Variants in THSD7B observed in about 807,000 individuals in gnomAD.
The protein encoded by THSD7B is thrombospondin type-1 domain-containing protein 7B.
Under a neutral mutation model 213.6 loss-of-function variants are expected in THSD7B, and 138 were observed. That is an observed-to-expected ratio of 0.65 (90% CI 0.56 to 0.74). The LOEUF is 0.74. Ranked by LOEUF, THSD7B falls within the 30% of genes least tolerant of loss-of-function variation. THSD7B has a pLI of 0.00. For missense variants in THSD7B, 1,931 were observed against 1,991.5 expected (o/e 0.97, Z 0.58); for synonymous variants, 742 against 687.0 (o/e 1.08, Z -1.25).
intron 2 of THSD7B, among the ~76,000 whole-genome samples, chr2:136,971,124 CAAAT>C (rs1248468335): frequency 1.3e-5 from 2 of 151,980 alleles, no homozygotes; most frequent in Non-Finnish European, 2.9e-5. Context: ...AGGAATAAGA[CAAAT>C]AAAGTTTCCA....
intron 6 of THSD7B, among the ~76,000 whole-genome samples, chr2:137,167,403 A>G (rs1212098862): frequency 5.9e-5 from 9 of 151,796 alleles, no homozygotes; most frequent in Admixed American, 3.9e-4. Flanking sequence ...GAGTTTTACC[A>G]TATTGGCCAG....
intron 1 of THSD7B, among the ~76,000 whole-genome samples, chr2:136,827,209 C>T (rs114196873): frequency 1.1e-3 from 171 of 152,268 alleles, no homozygotes; most frequent in African/African-American, 3.8e-3. Context: ...AATTTTTCTG[C>T]GGATCTTTCA....
intron 15 of THSD7B, among the ~76,000 whole-genome samples, chr2:137,550,756 G>T (rs2105205888): frequency 6.6e-6 from 1 of 152,160 alleles, no homozygotes; most frequent in East Asian, 1.9e-4. Context: ...GGATGGTTTA[G>T]CTTGGAGTAG....
chr2:137,547,191 T>C (rs932535000), intron 15 of THSD7B, among the ~76,000 whole-genome samples: 1 of 152,058 alleles, frequency 6.6e-6, no homozygotes, highest in African/African-American at 2.4e-5. Context: ...TCAATTTTGC[T>C]TCTCACTTTT....
intron 1 of THSD7B, among the ~76,000 whole-genome samples, chr2:136,808,669 C>A (rs533666342): frequency 5.3e-5 from 8 of 152,344 alleles, no homozygotes; most frequent in Admixed American, 2.6e-4. Flanking sequence ...TGTTACTCCA[C>A]ATCCTCATTA....
At chr2:136,931,538 G>A (rs11682284) in intron 2 of THSD7B, among the ~76,000 whole-genome samples, 1 of 152,146 alleles carries the variant, frequency 6.6e-6, no homozygotes, top group Non-Finnish European at 1.5e-5. Context: ...CATGCTGGGA[G>A]GGTGTATTCT....
chr2:137,024,011 T>G lies in THSD7B; in HGVS notation c.140-32409T>G, dbSNP rs898819447. On this transcript the variant is annotated intron_variant, in intron 2 of 27. Coordinates refer to ENST00000409968, the MANE Select transcript of THSD7B (RefSeq NM_001316349.2). Reference sequence around the variant, plus strand: ...CACTCCTGAGTTCCAAGAACTGGGTTGGAAGATGTTACGGAAAAGGCCATT... The same window carrying G: ...CACTCCTGAGTTCCAAGAACTGGGTGGGAAGATGTTACGGAAAAGGCCATT... Among the ~76,000 whole-genome samples the G allele has an allele frequency of 4.6e-5, 7 of 152,252 alleles. No individual in the cohort carries two copies. The South Asian group carries it at 6.2e-4, about 14-fold the overall frequency.
chr2:137,630,285 C>T (rs79412927), intron 20 of THSD7B, among the ~76,000 whole-genome samples: 3,251 of 152,282 alleles, frequency 0.021, 70 homozygotes, highest in South Asian at 0.067. Flanking sequence ...TAAGCCACCC[C>T]ACCCAGCCCC....
In THSD7B at chr2:137,479,967, A is replaced by T. The variant is rs1198150888; in HGVS notation, c.3138+28944A>T. 3.9e-5 allele frequency among the ~76,000 whole-genome samples: 6 copies of T among 152,232 alleles called. No individual in the cohort carries two copies. The East Asian group carries it at 9.7e-4, about 25-fold the overall frequency. ...GGTCAGGGGGTCTCCCATGGCTAGG[A>T]TTGCAGGAGTTCACAGTGGGAATGT... On this transcript the variant is annotated intron_variant, in intron 15 of 27. Transcript: ENST00000409968.
chr2:137,220,888 T>G (rs544345185), intron 7 of THSD7B, among the ~76,000 whole-genome samples: 1 of 152,296 alleles, frequency 6.6e-6, no homozygotes, highest in Non-Finnish European at 1.5e-5. Flanking sequence ...TGAATGAACC[T>G]AAATTGCACT....
At chr2:137,050,817 T>G (rs1359906106) in intron 2 of THSD7B, among the ~76,000 whole-genome samples, 1 of 152,206 alleles carries the variant, frequency 6.6e-6, no homozygotes, top group Non-Finnish European at 1.5e-5. Flanking sequence ...AATTTTTTAA[T>G]GAAATGCAAC....
intron 12 of THSD7B, among the ~76,000 whole-genome samples, chr2:137,388,030 C>T (rs1207945308): frequency 6.6e-6 from 1 of 152,180 alleles, no homozygotes. Context: ...CTGCTAACCT[C>T]AACATTATCA....
intron 14 of THSD7B, among the ~76,000 whole-genome samples, chr2:137,447,067 T>G (rs1458037478): frequency 6.6e-6 from 1 of 152,152 alleles, no homozygotes; most frequent in East Asian, 1.9e-4. Flanking sequence ...GGGTATACTC[T>G]GGCATGAAAA....
chr2:137,294,216 G>T (rs1297050092), intron 12 of THSD7B, among the ~76,000 whole-genome samples: 2 of 152,020 alleles, frequency 1.3e-5, no homozygotes, highest in Non-Finnish European at 2.9e-5. Flanking sequence ...CACTCTACAG[G>T]GTAGTCCTGC....
At chr2:137,331,124 A>G (rs544501070) in intron 12 of THSD7B, among the ~76,000 whole-genome samples, 4 of 138,620 alleles carry the variant, frequency 2.9e-5, no homozygotes, top group African/African-American at 6.6e-5. Context: ...CGACTGGTGT[A>G]TTTACAATCC....
chr2:137,266,498 G>A (rs767749814), intron 10 of THSD7B, among the ~76,000 whole-genome samples: 3 of 152,164 alleles, frequency 2.0e-5, no homozygotes, highest in Non-Finnish European at 4.4e-5. Flanking sequence ...AAGTGAAGAG[G>A]AGGAAAGAGA....
intron 12 of THSD7B, among the ~76,000 whole-genome samples, chr2:137,363,149 C>T (rs943845886): frequency 1.7e-4 from 26 of 151,964 alleles, no homozygotes; most frequent in African/African-American, 2.7e-4. Flanking sequence ...GGGTAAATAA[C>T]GAAATGAAGG....
chr2:137,197,646 G>A (rs1376783174), intron 7 of THSD7B, among the ~76,000 whole-genome samples: 2 of 152,130 alleles, frequency 1.3e-5, no homozygotes, highest in African/African-American at 4.8e-5. Flanking sequence ...GAGGCATGCA[G>A]TACTGTTGGC....
intron 7 of THSD7B, among the ~76,000 whole-genome samples, chr2:137,221,545 A>G (rs1244558454): frequency 6.6e-6 from 1 of 152,250 alleles, no homozygotes; most frequent in African/African-American, 2.4e-5. Context: ...AACTTTTTCT[A>G]CTAAGAACCT....
Sources: gnomAD v4.1 joint callset for allele counts (sites outside exome capture counted in the v4.1 genomes callset) on GRCh38, gnomAD v4.1.1 for gene constraint, MANE v1.5 for transcripts, NCBI Gene and HGNC (gene_info 2026-07-23, HGNC 2026-07-21) for gene names.